The following CABCOCO1 variants were observed in gnomAD, a reference collection of about 807,000 sequenced individuals.
The protein encoded by CABCOCO1 is ciliary associated calcium binding coiled-coil 1, also known as ciliary-associated calcium-binding coiled-coil protein 1.
CABCOCO1 carries 28 observed loss-of-function variants against 35.7 expected under a neutral mutation model. That is an observed-to-expected ratio of 0.78 (90% CI 0.58 to 1.07). CABCOCO1 has a LOEUF of 1.07. CABCOCO1 is among the 50% of genes least tolerant of loss of function. The pLI is 0.00. For synonymous variants in CABCOCO1, 95 were observed against 100.1 expected, an observed-to-expected ratio of 0.95 and a Z score of 0.30; for missense variants, 326 against 309.2, an observed-to-expected ratio of 1.05 and a Z score of -0.41.
chr10:61,726,824 A>T (rs540418478), intron 5 of CABCOCO1, among the ~76,000 whole-genome samples: 6 of 144,890 alleles, frequency 4.1e-5, no homozygotes, highest in Non-Finnish European at 4.5e-5. Context: ...TTGGGAGGCG[A>T]GCGGGGGTGG....
Position 61,690,572 on chromosome 10 carries a change from A to G in CABCOCO1, c.503A>G (p.Tyr168Cys), listed in dbSNP as rs1840106073. Residue 168 changes from tyrosine (Y) to cysteine (C), a missense_variant, in exon 5 of 8, where the codon TAC becomes TGC. Physicochemically the swap from Tyr to Cys is radical, Grantham distance 194 (BLOSUM62 -2). Coordinates refer to ENST00000648843, the MANE Select transcript of CABCOCO1 (RefSeq NM_001366906.2). Reference protein sequence around the residue: ...KISLFQHYKLYEFMFYSAREE... With the variant: ...KISLFQHYKLCEFMFYSAREE... ...AGCTTATTTCAACACTACAAGCTAT[A>G]CGAGTTTATGTTCTACTCTGCCAGG... 1.2e-6 allele frequency: 2 copies of G among 1,606,758 alleles called. No individual in the cohort carries two copies. Among genetic ancestry groups the G allele is most frequent in the South Asian group, 1.1e-5 (1 of 90,750 alleles).
chr10:61,665,886 CAAAAA>C (rs72066420), intron 1 of CABCOCO1, among the ~76,000 whole-genome samples: 1 of 98,298 alleles, frequency 1.0e-5, no homozygotes, highest in African/African-American at 3.7e-5. Flanking sequence ...GACTCCGTCT[CAAAAA>C]AAAAAAAAAA....
At chr10:61,719,935 A>G (rs1448710051) in intron 5 of CABCOCO1, among the ~76,000 whole-genome samples, 1 of 151,532 alleles carries the variant, frequency 6.6e-6, no homozygotes, top group Non-Finnish European at 1.5e-5. Flanking sequence ...AAAAAAAAAA[A>G]AAAAGGCAAA....
At chr10:61,692,403 A>C (rs530599160) in intron 5 of CABCOCO1, among the ~76,000 whole-genome samples, 1 of 152,186 alleles carries the variant, frequency 6.6e-6, no homozygotes, top group East Asian at 1.9e-4. Context: ...CATTTTAAGA[A>C]GACTAAAGAT....
intron 5 of CABCOCO1, among the ~76,000 whole-genome samples, chr10:61,716,777 T>TTTATG (rs1181116867): frequency 1.3e-5 from 2 of 152,182 alleles, no homozygotes; most frequent in African/African-American, 2.4e-5. Context: ...AATACCTCTC[T>TTTATG]CAAACTGCCT....
chr10:61,674,486 T>A (rs1334642954), intron 2 of CABCOCO1, among the ~76,000 whole-genome samples: 1 of 152,218 alleles, frequency 6.6e-6, no homozygotes, highest in Admixed American at 6.5e-5. Flanking sequence ...ATTCTTTACA[T>A]GATTTTCGTA....
chr10:61,704,925 A>C (rs560404345), intron 5 of CABCOCO1, among the ~76,000 whole-genome samples: 8 of 152,058 alleles, frequency 5.3e-5, no homozygotes, highest in African/African-American at 9.7e-5. Flanking sequence ...GGTTAAAAAA[A>C]AAAACAAAAC....
intron 5 of CABCOCO1, among the ~76,000 whole-genome samples, chr10:61,759,715 C>T (rs1184844729): frequency 6.6e-6 from 1 of 151,940 alleles, no homozygotes; most frequent in East Asian, 1.9e-4. Context: ...AGAGAAGATA[C>T]ACAGAGCATC....
intron 5 of CABCOCO1, among the ~76,000 whole-genome samples, chr10:61,746,204 T>A (rs1343025484): frequency 6.6e-6 from 1 of 152,152 alleles, no homozygotes; most frequent in African/African-American, 2.4e-5. Flanking sequence ...ATATAAGAGG[T>A]TCATCTTGTT....
At chr10:61,730,408 A>G (rs1275495871) in intron 5 of CABCOCO1, among the ~76,000 whole-genome samples, 1 of 152,174 alleles carries the variant, frequency 6.6e-6, no homozygotes, top group South Asian at 2.1e-4. Flanking sequence ...ATAAAGCACT[A>G]CAGTTATGAA....
intron 2 of CABCOCO1, among the ~76,000 whole-genome samples, chr10:61,679,127 G>A (rs893169195): frequency 3.3e-5 from 5 of 151,956 alleles, no homozygotes; most frequent in African/African-American, 4.8e-5. Flanking sequence ...AAACCAACAA[G>A]GAAATACCAC....
intron 5 of CABCOCO1, among the ~76,000 whole-genome samples, chr10:61,693,674 C>T (rs1840216884): frequency 1.3e-5 from 2 of 151,920 alleles, no homozygotes; most frequent in Admixed American, 1.3e-4. Flanking sequence ...ATACAAAACC[C>T]CATATATATT....
chr10:61,679,120 C>T (rs1839618097), intron 2 of CABCOCO1, among the ~76,000 whole-genome samples: 1 of 151,938 alleles, frequency 6.6e-6, no homozygotes, highest in Non-Finnish European at 1.5e-5. Flanking sequence ...TCACATAAAA[C>T]CAACAAGGAA....
intron 5 of CABCOCO1, among the ~76,000 whole-genome samples, chr10:61,752,532 T>C (rs954381692): frequency 1.3e-5 from 2 of 152,156 alleles, no homozygotes; most frequent in Non-Finnish European, 2.9e-5. Flanking sequence ...TTTCTGCAAA[T>C]TTCTTTAGTT....
chr10:61,749,128 AT>A (rs905208688), intron 5 of CABCOCO1, among the ~76,000 whole-genome samples: 9 of 152,142 alleles, frequency 5.9e-5, no homozygotes, highest in African/African-American at 1.4e-4. Flanking sequence ...AAGTAAATTT[AT>A]TTTTTCCCCA....
rs1315913252 is a variant in CABCOCO1 at position 61,739,803 on chromosome 10, A to G, written c.553-20256A>G. ...TAAAAATACGAAAATTTAGCCAGGC[A>G]TGGTGGCACGTGCCTGTAGTCCCAG... On this transcript the variant is annotated intron_variant, in intron 5 of 7. Transcript: ENST00000648843. Among the ~76,000 whole-genome samples the G allele has an allele frequency of 2.0e-5, 3 of 152,080 alleles. No individual in the cohort carries two copies. The East Asian group carries it at 5.8e-4, about 29-fold the overall frequency.
intron 5 of CABCOCO1, among the ~76,000 whole-genome samples, chr10:61,751,213 CTTTTTT>C (rs57540074): frequency 1.9e-5 from 2 of 106,506 alleles, no homozygotes; most frequent in African/African-American, 3.7e-5. Flanking sequence ...TTGCCTTGCT[CTTTTTT>C]TTTTTTTTTT....
chr10:61,703,710 CTT>C (rs997139765), intron 5 of CABCOCO1, among the ~76,000 whole-genome samples: 10 of 150,302 alleles, frequency 6.7e-5, no homozygotes, highest in South Asian at 2.1e-4. Context: ...TCTACTTACT[CTT>C]TCTCTCTCTC....
At chr10:61,689,002 T>C (rs1395491530) in intron 4 of CABCOCO1, among the ~76,000 whole-genome samples, 1 of 152,178 alleles carries the variant, frequency 6.6e-6, no homozygotes, top group Admixed American at 6.5e-5. Flanking sequence ...TGTTAAGAAG[T>C]GAATTTCCCT....
Sources: gnomAD v4.1 joint callset for allele counts (sites outside exome capture counted in the v4.1 genomes callset) on GRCh38, gnomAD v4.1.1 for gene constraint, MANE v1.5 for transcripts, NCBI Gene and HGNC (gene_info 2026-07-23, HGNC 2026-07-21) for gene names.